Variants in NAA15 observed in about 807,000 individuals in gnomAD.
NAA15 encodes N-terminal acetyltransferase.
A neutral mutation model predicts 114.0 loss-of-function variants in NAA15; 34 were observed. That is an observed-to-expected ratio of 0.30 (90% CI 0.23 to 0.40). NAA15 has a LOEUF of 0.40. NAA15 is among the 10% of genes least tolerant of loss of function. The pLI is 1.00. For missense variants in NAA15, 658 were observed against 1,004.5 expected (o/e 0.66, Z 4.66); for synonymous variants, 340 against 338.0 (o/e 1.01, Z -0.06).
At chr4:139,378,878 T>G in intron 17 of NAA15, 24 bp downstream of exon 17, 1 of 1,400,396 alleles carries the variant, frequency 7.1e-7, no homozygotes, top group Non-Finnish European at 9.8e-7. Flanking sequence ...TTCCATTACT[T>G]AAGTATTTGA....
chr4:139,320,367 G>A (rs1461255522), intron 1 of NAA15, among the ~76,000 whole-genome samples: 4 of 152,070 alleles, frequency 2.6e-5, no homozygotes, highest in Non-Finnish European at 5.9e-5. Flanking sequence ...CTGTTAGTTC[G>A]GTTTTCAAAG....
intron 1 of NAA15, among the ~76,000 whole-genome samples, chr4:139,302,959 T>C (rs1745859710): frequency 6.6e-6 from 1 of 152,246 alleles, no homozygotes; most frequent in Admixed American, 6.5e-5. Context: ...TTTTAAAATT[T>C]GGGATGTGTG....
intron 4 of NAA15, 85 bp from the exon 5 acceptor site, chr4:139,342,741 C>T: frequency 3.0e-6 from 4 of 1,339,966 alleles, no homozygotes; most frequent in Non-Finnish European, 4.1e-6. Context: ...AGCCACTGCG[C>T]CTGGCCTAAT....
chr4:139,325,080 A>G (rs1229186863), intron 1 of NAA15, among the ~76,000 whole-genome samples: 2 of 151,864 alleles, frequency 1.3e-5, no homozygotes, highest in Non-Finnish European at 2.9e-5. Context: ...TAAAAAGCTA[A>G]CTGCTGTAAT....
At position 139,301,537 on chromosome 4, in the gene NAA15, T is replaced by C. The variant is rs1745737118; in HGVS notation, c.-241T>C. The C allele has an allele frequency of 3.5e-6, 2 of 569,108 alleles. No individual in the cohort carries two copies. Among genetic ancestry groups the C allele is most frequent in the Admixed American group, 6.4e-5 (2 of 31,212 alleles). 35.3% of individuals were successfully genotyped at this position (569,108 alleles called of 1,614,324 possible). A position where few individuals can be genotyped will look rare whatever the true frequency, so the allele number is the denominator to read the frequency against. ...TCTGTCGGTCTGTTCAGTTACCACG[T>C]GAACCGCCGACGGAGACCCGTAGTG... On this transcript the variant is annotated 5_prime_UTR_variant, in exon 1 of 20. Coordinates refer to ENST00000296543, the MANE Select transcript of NAA15 (RefSeq NM_057175.5).
At chr4:139,306,814 A>G (rs1393106211) in intron 1 of NAA15, among the ~76,000 whole-genome samples, 1 of 152,140 alleles carries the variant, frequency 6.6e-6, no homozygotes, top group Non-Finnish European at 1.5e-5. Context: ...CAAAATCCAC[A>G]CCTTAGATTT....
chr4:139,351,158 T>C (rs1338236354), intron 7 of NAA15, 33 bp from the exon 8 acceptor site: 1 of 1,137,606 alleles, frequency 8.8e-7, no homozygotes, highest in African/African-American at 1.6e-5. Context: ...AATTTATGAT[T>C]ATATATAACA....
intron 1 of NAA15, among the ~76,000 whole-genome samples, chr4:139,308,824 G>C (rs1395453544): frequency 2.6e-5 from 4 of 151,824 alleles, no homozygotes; most frequent in Non-Finnish European, 2.9e-5. Context: ...CCATGTTGGC[G>C]AGGCTGGTCT....
chr4:139,320,957 T>G (rs1261798889), intron 1 of NAA15, among the ~76,000 whole-genome samples: 1 of 152,212 alleles, frequency 6.6e-6, no homozygotes, highest in Non-Finnish European at 1.5e-5. Flanking sequence ...AGCCACCTTC[T>G]TTTTATCCTC....
At chr4:139,333,947 C>G (rs141045773) in intron 1 of NAA15, among the ~76,000 whole-genome samples, 2 of 152,014 alleles carry the variant, frequency 1.3e-5, no homozygotes, top group African/African-American at 4.8e-5. Context: ...TTTCTGTTCT[C>G]TTTCTGCATC....
chr4:139,333,905 A>G (rs1324548482), intron 1 of NAA15, among the ~76,000 whole-genome samples: 6 of 152,160 alleles, frequency 3.9e-5, no homozygotes, highest in Non-Finnish European at 8.8e-5. Context: ...TCTTAAAAAA[A>G]AATAAATAAA....
At chr4:139,337,655 T>C (rs908138881) in intron 3 of NAA15, among the ~76,000 whole-genome samples, 6 of 152,234 alleles carry the variant, frequency 3.9e-5, no homozygotes, top group Non-Finnish European at 8.8e-5. Context: ...AGATAGACTT[T>C]AGCAAATATT....
chr4:139,369,614 T>A (rs1748377869), intron 14 of NAA15, among the ~76,000 whole-genome samples: 1 of 151,848 alleles, frequency 6.6e-6, no homozygotes, highest in African/African-American at 2.4e-5. Context: ...GGCACATGCC[T>A]GTAGTCCCAG....
At position 139,386,222 on chromosome 4, in the gene NAA15, A is replaced by G; in HGVS notation, c.2392A>G (p.Asn798Asp). The G allele has an allele frequency of 1.3e-6, 2 of 1,591,846 alleles. No individual in the cohort carries two copies. Among genetic ancestry groups the G allele is most frequent in the Non-Finnish European group, 1.7e-6 (2 of 1,162,720 alleles). ...TTLDESLTNRNLQTCMEVLEA... is the reference protein window; with the variant it reads ...TTLDESLTNRDLQTCMEVLEA... Reference sequence around the variant, plus strand: ...ACTTGATGAATCTCTCACTAACAGAAACCTCCAGGTAAAGAGTTTTTCATA... The same window carrying G: ...ACTTGATGAATCTCTCACTAACAGAGACCTCCAGGTAAAGAGTTTTTCATA... Residue 798 changes from asparagine (N) to aspartate (D), a missense_variant, in exon 19 of 20, where the codon AAC becomes GAC. Physicochemically the swap from Asn to Asp is conservative, Grantham distance 23. Transcript: ENST00000296543.
chr4:139,349,654 G>T, intron 7 of NAA15, 73 bp downstream of exon 7: 1 of 1,403,950 alleles, frequency 7.1e-7, no homozygotes, highest in Non-Finnish European at 9.6e-7. Flanking sequence ...TCATTGAAAA[G>T]CACAACTAGA....
intron 6 of NAA15, among the ~76,000 whole-genome samples, chr4:139,345,773 T>C (rs916039798): frequency 2.6e-5 from 4 of 152,018 alleles, no homozygotes; most frequent in Non-Finnish European, 4.4e-5. Flanking sequence ...ACAGAAAAAT[T>C]AGCCAGGCGT....
chr4:139,347,921 A>G (rs572734777), intron 6 of NAA15, among the ~76,000 whole-genome samples: 1 of 150,674 alleles, frequency 6.6e-6, no homozygotes, highest in Non-Finnish European at 1.5e-5. Flanking sequence ...AGTCCCAGCT[A>G]CTCGGGAGGC....
Position 139,389,428 on chromosome 4 carries a change from A to G in NAA15, c.*1344A>G, listed in dbSNP as rs1026296810. The G allele has an allele frequency of 1.6e-4, 25 of 152,616 alleles. No individual in the cohort carries two copies. The highest frequency in any genetic ancestry group is 6.0e-4 in the African/African-American group (25 of 41,440). 9.5% of individuals were successfully genotyped at this position (152,616 alleles called of 1,614,324 possible). A position where few individuals can be genotyped will look rare whatever the true frequency, so the allele number is the denominator to read the frequency against. ...GTAATATGCTGTAAGGCTAGTGCAGATGGGAGCTTTTTAGAAGGGGCTAAG... is the reference window on the plus strand; with the variant it reads ...GTAATATGCTGTAAGGCTAGTGCAGGTGGGAGCTTTTTAGAAGGGGCTAAG... On this transcript the variant is annotated 3_prime_UTR_variant, in exon 20 of 20. Transcript: ENST00000296543.
At chr4:139,323,053 C>CTTTTTTTTTTTTTTTT (rs67137305) in intron 1 of NAA15, among the ~76,000 whole-genome samples, 14 of 117,456 alleles carry the variant, frequency 1.2e-4, no homozygotes, top group Non-Finnish European at 1.9e-4. Flanking sequence ...CTTTTCTTTT[C>CTTTTTTTTTTTTTTTT]TTTTTTTTTT....
Sources: gnomAD v4.1 joint callset for allele counts (sites outside exome capture counted in the v4.1 genomes callset) on GRCh38, gnomAD v4.1.1 for gene constraint, MANE v1.5 for transcripts, NCBI Gene and HGNC (gene_info 2026-07-23, HGNC 2026-07-21) for gene names.